Variants in ABCB4 observed in about 807,000 individuals in gnomAD.
ABCB4 encodes the protein phosphatidylcholine translocator ABCB4.
A neutral mutation model predicts 145.7 loss-of-function variants in ABCB4; 76 were observed. The observed-to-expected ratio is 0.52, with a 90% CI of 0.43 to 0.63. The LOEUF is 0.63. Ranked by LOEUF, ABCB4 falls within the 30% of genes least tolerant of loss-of-function variation. The probability of loss-of-function intolerance (pLI) is 0.00; values close to 1 mark genes in which losing one functional copy is unlikely to be tolerated. For missense variants in ABCB4, 1,234 were observed against 1,553.1 expected, an observed-to-expected ratio of 0.79 and a Z score of 3.45; for synonymous variants, 517 against 566.8, an observed-to-expected ratio of 0.91 and a Z score of 1.25.
chr7:87,431,281 C>A, intron 15 of ABCB4, 123 bp downstream of exon 15: 2 of 1,291,194 alleles, frequency 1.5e-6, no homozygotes, highest in Non-Finnish European at 2.2e-6. Flanking sequence ...CAGATATACA[C>A]TTTTAGGCAT....
intron 26 of ABCB4, 155 bp downstream of exon 26, chr7:87,406,133 C>T (rs1808166564): frequency 2.7e-6 from 2 of 743,304 alleles, no homozygotes; most frequent in Non-Finnish European, 2.3e-6. Context: ...TTCCCATTTA[C>T]AAATAAGGAA....
intron 2 of ABCB4, among the ~76,000 whole-genome samples, chr7:87,475,021 T>C (rs1443612078): frequency 1.3e-5 from 2 of 152,172 alleles, no homozygotes; most frequent in Non-Finnish European, 2.9e-5. Context: ...TCTGACACCC[T>C]TTAAGTCTGA....
At chr7:87,394,621 G>A in the ABCB4 span, among the ~76,000 whole-genome samples, 11 of 151,056 alleles carry the variant, frequency 7.3e-5, no homozygotes, top group South Asian at 2.1e-4. Flanking sequence ...AAACTTTGCC[G>A]TTTGCAAAAT....
chr7:87,370,688 A>ATTCCCGTCATCCCTC, the ABCB4 span, among the ~76,000 whole-genome samples: 1 of 152,178 alleles, frequency 6.6e-6, no homozygotes, highest in East Asian at 1.9e-4. Flanking sequence ...TACTCCAAAG[A>ATTCCCGTCATCCCTC]TTCCCGTCAT....
rs1811391778 is a variant in ABCB4 at position 87,447,052 on chromosome 7, A to G, written c.987T>C (p.Thr329=). The change falls in exon 9 of 28, where the codon ACT becomes ACC. Residue 329 remains threonine, a synonymous_variant. Transcript: ENST00000649586. ...GSTLVISKEY[T]IGNAMTVFFS... ...TACTTACTGTCATTGCATTTCCAAT[A>G]GTATATTCTTTTGATATGACTAGAG... is the stretch of plus-strand genomic sequence containing the variant. 6.2e-7 allele frequency: 1 copy of G among 1,613,278 alleles called. No homozygotes were observed. The highest frequency in any genetic ancestry group is 1.3e-5 in the African/African-American group (1 of 74,918).
At chr7:87,460,668 T>A (rs896293401) in intron 4 of ABCB4, among the ~76,000 whole-genome samples, 1 of 142,996 alleles carries the variant, frequency 7.0e-6, no homozygotes, top group Non-Finnish European at 1.5e-5. Context: ...TTATTTATTT[T>A]GAGACAAGGT....
At chr7:87,434,221 C>T (rs1245345308) in intron 14 of ABCB4, among the ~76,000 whole-genome samples, 1 of 149,600 alleles carries the variant, frequency 6.7e-6, no homozygotes, top group Non-Finnish European at 1.5e-5. Context: ...GGATTACAGG[C>T]GTGAGCCACC....
At chr7:87,389,223 C>G in the ABCB4 span, among the ~76,000 whole-genome samples, 2 of 152,118 alleles carry the variant, frequency 1.3e-5, no homozygotes, top group Non-Finnish European at 2.9e-5. Flanking sequence ...GGCGATTCCT[C>G]AAGGATCTAG....
At chr7:87,433,676 T>TTTTG (rs1810401137) in intron 14 of ABCB4, among the ~76,000 whole-genome samples, 3 of 114,926 alleles carry the variant, frequency 2.6e-5, no homozygotes, top group South Asian at 2.7e-4. Flanking sequence ...ATTGTTGTTG[T>TTTTG]TTTTTTTTTT....
chr7:87,463,018 T>G, intron 3 of ABCB4, 110 bp from the exon 4 acceptor site: 1 of 950,628 alleles, frequency 1.1e-6, no homozygotes, highest in South Asian at 1.6e-5. Flanking sequence ...TTAAGAGTTG[T>G]AAATGAATGT....
intron 14 of ABCB4, among the ~76,000 whole-genome samples, chr7:87,432,758 G>A (rs1470592936): frequency 6.6e-6 from 1 of 152,260 alleles, no homozygotes. Flanking sequence ...TCTTAATGAG[G>A]TGGTGAAAAT....
chr7:87,449,098 A>G (rs1026263385), intron 8 of ABCB4, among the ~76,000 whole-genome samples: 3 of 152,202 alleles, frequency 2.0e-5, no homozygotes, highest in African/African-American at 7.2e-5. Flanking sequence ...TCATATGTCA[A>G]TCATGCCTTG....
At chr7:87,416,021 G>T (rs1808948975) in intron 21 of ABCB4, among the ~76,000 whole-genome samples, 1 of 152,166 alleles carries the variant, frequency 6.6e-6, no homozygotes, top group South Asian at 2.1e-4. Context: ...AGTACCCACA[G>T]CCAGCAGCCA....
chr7:87,407,967 CCATTATGACAATATTGG>C, intron 25 of ABCB4, 53 bp downstream of exon 25: 2 of 1,591,120 alleles, frequency 1.3e-6, no homozygotes, highest in Non-Finnish European at 1.7e-6. Context: ...CCAATATTTT[CCATTATGACAATATTGG>C]TTGGGCCAAT....
rs145076539 is a variant in ABCB4, at chr7:87,420,589, C to T, written c.2317-514G>A. ...AACCCACCAAGTGACCAAACCTGCCCGTTGTGTGGGTAACAGTTGCTAGTA... is the reference window on the plus strand; with the variant it reads ...AACCCACCAAGTGACCAAACCTGCCTGTTGTGTGGGTAACAGTTGCTAGTA... On this transcript the variant is annotated intron_variant, in intron 18 of 27. Transcript: ENST00000649586. Among the ~76,000 whole-genome samples, 13 of 152,272 alleles carry T rather than the reference C, an allele frequency of 8.5e-5. 1 individual carries two copies. The highest frequency in any genetic ancestry group is 9.6e-5 in the African/African-American group (4 of 41,558).
chr7:87,409,206 T>C (rs1226645108), intron 24 of ABCB4, 30 bp downstream of exon 24: 1 of 1,613,618 alleles, frequency 6.2e-7, no homozygotes, highest in South Asian at 1.1e-5. Context: ...GAAAAATTGA[T>C]CAAGCATCAT....
the ABCB4 span, among the ~76,000 whole-genome samples, chr7:87,367,223 G>A: frequency 6.6e-6 from 1 of 152,184 alleles, no homozygotes; most frequent in African/African-American, 2.4e-5. Flanking sequence ...CCTTATTCAT[G>A]GAAGAGGGAG....
chr7:87,406,279 T>C lies in ABCB4; in HGVS notation c.3486+9A>G. ...AGTCTCTTCTGATTTCAGCTACTCT[T>C]TAACTTACGTGGGGTAACGTCTCGA... On this transcript the variant is annotated intron_variant, in intron 26 of 27. Coordinates refer to ENST00000649586, the MANE Select transcript of ABCB4 (RefSeq NM_000443.4). 1 of 1,614,054 alleles carries C rather than the reference T, an allele frequency of 6.2e-7. No homozygotes were observed.
At chr7:87,472,721 T>C (rs1200366875) in intron 2 of ABCB4, 46 bp from the exon 3 acceptor site, 4 of 1,320,488 alleles carry the variant, frequency 3.0e-6, no homozygotes, top group Non-Finnish European at 4.4e-6. Context: ...TACAAAATGT[T>C]TTACAATCAA....
Sources: allele counts gnomAD v4.1 joint callset (sites outside exome capture counted in the v4.1 genomes callset), GRCh38; gene constraint gnomAD v4.1.1; transcripts MANE v1.5; gene names NCBI Gene and HGNC (gene_info 2026-07-23, HGNC 2026-07-21).